The following MCCC1 variants were observed in gnomAD, a reference collection of about 807,000 sequenced individuals.
MCCC1 encodes methylcrotonoyl-CoA carboxylase subunit alpha, mitochondrial.
MCCC1 carries 64 observed loss-of-function variants against 83.8 expected under a neutral mutation model. The observed-to-expected ratio is 0.76, with a 90% CI of 0.62 to 0.94. The LOEUF (loss-of-function observed/expected upper bound fraction) is 0.94, where lower values mean the gene tolerates loss of function less well. MCCC1 is among the 40% of genes least tolerant of loss of function. MCCC1 has a pLI of 0.00. For missense variants in MCCC1, 807 were observed against 904.7 expected (o/e 0.89, Z 1.39); for synonymous variants, 322 against 315.4 (o/e 1.02, Z -0.22).
At chr3:183,052,906 C>T (rs1715100990) in intron 8 of MCCC1, among the ~76,000 whole-genome samples, 1 of 148,312 alleles carries the variant, frequency 6.7e-6, no homozygotes, top group African/African-American at 2.5e-5. Context: ...ATTTACTATA[C>T]TATACAATTT....
At chr3:183,019,083 C>G (rs1711929819) in intron 17 of MCCC1, among the ~76,000 whole-genome samples, 1 of 152,146 alleles carries the variant, frequency 6.6e-6, no homozygotes, top group Non-Finnish European at 1.5e-5. Context: ...TAGCTCATAC[C>G]CACTTGGGGT....
chr3:183,050,720 A>G (rs910695915), intron 9 of MCCC1, among the ~76,000 whole-genome samples: 176 of 151,470 alleles, frequency 1.2e-3, no homozygotes, highest in African/African-American at 4.0e-3. Context: ...AAAAAAAAAA[A>G]AAAAAAGAAA....
intron 1 of MCCC1, among the ~76,000 whole-genome samples, chr3:183,107,997 A>G (rs1290911746): frequency 6.6e-6 from 1 of 152,252 alleles, no homozygotes; most frequent in Non-Finnish European, 1.5e-5. Context: ...TTGAGCATAC[A>G]AAATAACAGT....
intron 4 of MCCC1, among the ~76,000 whole-genome samples, chr3:183,082,038 T>C (rs1445750490): frequency 6.6e-6 from 1 of 152,198 alleles, no homozygotes; most frequent in African/African-American, 2.4e-5. Flanking sequence ...AGACCTAGTC[T>C]AACTAAGCTG....
At chr3:183,062,717 G>A (rs1715938703) in intron 7 of MCCC1, among the ~76,000 whole-genome samples, 1 of 152,194 alleles carries the variant, frequency 6.6e-6, no homozygotes, top group South Asian at 2.1e-4. Flanking sequence ...GAAGTTCAGT[G>A]AAGATCTGTG....
At position 183,114,437 on chromosome 3, in the gene MCCC1, G is replaced by A. The variant is rs149306028; in HGVS notation, c.-102+1037C>T. Among the ~76,000 whole-genome samples the A allele has an allele frequency of 2.0e-4, 31 of 152,038 alleles. No individual in the cohort carries two copies. In the East Asian group the frequency reaches 4.8e-3, roughly 24 times the overall value. The stretch of plus-strand genomic sequence containing the variant: ...TCAAAGTGTGGCGTTTTTCTAACTC[G>A]CTCGGGTACAACATGGGATCTGATG... On this transcript the variant is annotated intron_variant, in intron 1 of 17. Coordinates refer to the MCCC1 transcript ENST00000492597.
rs563067756 is a variant in MCCC1 at position 183,041,725 on chromosome 3, A to G, written c.1109T>C (p.Leu370Ser). The stretch of plus-strand genomic sequence containing the variant: ...CTGCAGAGTTATTTCTTCCTGGCTC[A>G]AAGGAATCTTCTCTCCTGCTGCAAT... ...LRIAAGEKIP[L>S]SQEEITLQGH... Residue 370 changes from leucine (L) to serine (S), a missense_variant, in exon 11 of 19, where the codon TTG becomes TCG. Transcript: ENST00000265594. 6.2e-7 allele frequency: 1 copy of G among 1,614,184 alleles called. No individual in the cohort carries two copies. The highest frequency in any genetic ancestry group is 2.2e-5 in the East Asian group (1 of 44,870).
intron 5 of MCCC1, among the ~76,000 whole-genome samples, chr3:183,071,699 A>G (rs371626394): frequency 8.6e-5 from 9 of 105,164 alleles, no homozygotes; most frequent in African/African-American, 2.8e-4. Flanking sequence ...GGTAAAACAA[A>G]CTATTTCTTT....
chr3:183,070,958 T>C lies in MCCC1; in HGVS notation c.761+41A>G, dbSNP rs749590350. 2.8e-5 allele frequency: 44 copies of C among 1,578,028 alleles called. No individual in the cohort carries two copies. The East Asian group carries it at 8.5e-4, about 31-fold the overall frequency. The stretch of plus-strand genomic sequence containing the variant: ...ATGTGCATGCATTATTTTTATAATT[T>C]AATTTTTAAACTCTGAGTCAGAAAA... On this transcript the variant is annotated intron_variant, in intron 7 of 18. Coordinates refer to ENST00000265594, the MANE Select transcript of MCCC1 (RefSeq NM_020166.5).
At chr3:183,089,611 C>A (rs537096167) in intron 3 of MCCC1, among the ~76,000 whole-genome samples, 10 of 150,310 alleles carry the variant, frequency 6.7e-5, no homozygotes, top group Non-Finnish European at 1.5e-4. Flanking sequence ...GAGACCCTGG[C>A]TCAAAAAAAA....
chr3:183,025,704 A>C, intron 15 of MCCC1, 51 bp downstream of exon 15: 4 of 1,497,006 alleles, frequency 2.7e-6, no homozygotes, highest in Non-Finnish European at 3.7e-6. Flanking sequence ...ATTCAGTATA[A>C]AAGCGGTCAG....
At chr3:183,019,269 C>T (rs76451162) in intron 17 of MCCC1, among the ~76,000 whole-genome samples, 2,304 of 152,240 alleles carry the variant, frequency 0.015, 61 homozygotes, top group African/African-American at 0.052. Context: ...ACTGATCTAT[C>T]ACCATTTGAT....
At chr3:183,017,486 A>AAAG (rs1213063781) in intron 17 of MCCC1, 149 bp from the exon 18 acceptor site, 1 of 746,762 alleles carries the variant, frequency 1.3e-6, no homozygotes, top group Non-Finnish European at 2.2e-6. Flanking sequence ...ACATAAATAA[A>AAAG]AAGAAAAAAA....
At chr3:183,017,424 G>T in intron 17 of MCCC1, 87 bp from the exon 18 acceptor site, 1 of 1,138,124 alleles carries the variant, frequency 8.8e-7, no homozygotes, top group Non-Finnish European at 1.3e-6. Context: ...CCATTTTACT[G>T]TCTATATATA....
intron 9 of MCCC1, among the ~76,000 whole-genome samples, chr3:183,050,131 T>C (rs761595996): frequency 7.2e-4 from 109 of 151,938 alleles, no homozygotes; most frequent in Non-Finnish European, 1.4e-3. Flanking sequence ...GGCAGGAGGA[T>C]CCCTTGGGGC....
chr3:183,025,917 A>G, intron 14 of MCCC1, 113 bp from the exon 15 acceptor site: 1 of 905,524 alleles, frequency 1.1e-6, no homozygotes, highest in Non-Finnish European at 1.8e-6. Context: ...ATTCAAAGGA[A>G]AATCAACAAC....
intron 11 of MCCC1, among the ~76,000 whole-genome samples, chr3:183,039,736 G>A (rs771984474): frequency 3.3e-5 from 5 of 152,158 alleles, no homozygotes; most frequent in Admixed American, 1.3e-4. Context: ...TGAAAAGAAC[G>A]TTGTTGCAGG....
intron 4 of MCCC1, among the ~76,000 whole-genome samples, chr3:183,075,034 C>T (rs1410835866): frequency 6.6e-6 from 1 of 152,196 alleles, no homozygotes; most frequent in Non-Finnish European, 1.5e-5. Flanking sequence ...CATGTTCCCG[C>T]AAAAGATGTG....
At chr3:183,043,032 G>C (rs910663323) in intron 10 of MCCC1, among the ~76,000 whole-genome samples, 3 of 152,242 alleles carry the variant, frequency 2.0e-5, no homozygotes, top group Admixed American at 2.0e-4. Context: ...GCTCATGCCT[G>C]TAATCCCAGC....
Sources: allele counts gnomAD v4.1 joint callset (sites outside exome capture counted in the v4.1 genomes callset), GRCh38; gene constraint gnomAD v4.1.1; transcripts MANE v1.5; gene names NCBI Gene and HGNC (gene_info 2026-07-23, HGNC 2026-07-21).